F13B: variants seen among roughly 807,000 people sequenced by gnomAD.
F13B encodes TGase.
Under a neutral mutation model 79.8 loss-of-function variants are expected in F13B, and 58 were observed. The observed-to-expected ratio is 0.73, with a 90% CI of 0.59 to 0.90. The LOEUF (loss-of-function observed/expected upper bound fraction) is 0.90. F13B is among the 40% of genes least tolerant of loss of function. F13B has a pLI of 0.00. For missense variants in F13B, 773 were observed against 777.0 expected (o/e 0.99, Z 0.06); for synonymous variants, 283 against 260.3 (o/e 1.09, Z -0.84).
rs776906696 is a variant in F13B at position 197,055,704 on chromosome 1, C to A, written c.1354+11G>T. On this transcript the variant is annotated intron_variant, in intron 8 of 11. Coordinates refer to ENST00000367412, the MANE Select transcript of F13B (RefSeq NM_001994.3). ...TACAAACGTAGACATTCCATGTGTT[C>A]TCTTTCTTACCCAAGCAAACAGGTG... is the stretch of plus-strand genomic sequence containing the variant. 2.1e-5 allele frequency: 34 copies of A among 1,612,732 alleles called. No individual in the cohort carries two copies. Among genetic ancestry groups the A allele is most frequent in the Non-Finnish European group, 2.5e-5 (29 of 1,179,130 alleles).
At chr1:197,051,997 T>C (rs1002670210) in intron 9 of F13B, among the ~76,000 whole-genome samples, 3 of 152,198 alleles carry the variant, frequency 2.0e-5, no homozygotes, top group African/African-American at 7.2e-5. Context: ...GATGATAGTT[T>C]CTTTTGCTGT....
intron 10 of F13B, among the ~76,000 whole-genome samples, chr1:197,044,118 T>C (rs1044884585): frequency 6.6e-6 from 1 of 151,756 alleles, no homozygotes; most frequent in Non-Finnish European, 1.5e-5. Context: ...TCTGATTTGT[T>C]TCTAAGGAAC....
chr1:197,050,794 A>G lies in F13B; in HGVS notation c.1641T>C (p.Ser547=). The change falls in exon 10 of 12, where the codon TCT becomes TCC. Residue 547 remains serine (S), a synonymous_variant. Transcript: ENST00000367412. The part of the protein sequence containing the change: ...SSTVDTYENG[S]SVEYRCFDHH... ...GATCAAAACATCTGTATTCTACTGA[A>G]GAGCCATTTTCATAGGTGTCTACTG... 6.2e-7 allele frequency: 1 copy of G among 1,613,426 alleles called. No homozygotes were observed. Among genetic ancestry groups the G allele is most frequent in the Non-Finnish European group, 8.5e-7 (1 of 1,179,612 alleles).
intron 5 of F13B, 31 bp downstream of exon 5, chr1:197,060,335 C>T (rs1455614540): frequency 6.4e-7 from 1 of 1,553,350 alleles, no homozygotes; most frequent in East Asian, 2.3e-5. Context: ...AAAGACATGG[C>T]ATTTTGCGAG....
At chr1:197,065,733 T>C (rs1162950602) in intron 1 of F13B, among the ~76,000 whole-genome samples, 1 of 152,148 alleles carries the variant, frequency 6.6e-6, no homozygotes, top group Non-Finnish European at 1.5e-5. Context: ...CAATATTCAT[T>C]CCAGAGCTAT....
chr1:197,046,410 C>A (rs1229038912), intron 10 of F13B, among the ~76,000 whole-genome samples: 1 of 152,138 alleles, frequency 6.6e-6, no homozygotes, highest in Non-Finnish European at 1.5e-5. Context: ...AACCCCCATT[C>A]ACAATTACTT....
intron 11 of F13B, 161 bp downstream of exon 11, chr1:197,040,361 T>A: frequency 1.7e-6 from 1 of 600,894 alleles, no homozygotes; most frequent in Non-Finnish European, 2.9e-6. Flanking sequence ...TGATTACCAC[T>A]TCCAGTTGTT....
At chr1:197,059,090 C>T (rs749971128) in intron 5 of F13B, among the ~76,000 whole-genome samples, 1 of 152,004 alleles carries the variant, frequency 6.6e-6, no homozygotes, top group South Asian at 2.1e-4. Flanking sequence ...GTGGCCGACA[C>T]CTGTAGTCCC....
chr1:197,047,843 A>G (rs1166792095), intron 10 of F13B, among the ~76,000 whole-genome samples: 1 of 152,168 alleles, frequency 6.6e-6, no homozygotes, highest in Non-Finnish European at 1.5e-5. Flanking sequence ...CTTTGCAGGG[A>G]CATGGATGAA....
intron 11 of F13B, among the ~76,000 whole-genome samples, chr1:197,039,971 A>G (rs1654978210): frequency 6.6e-6 from 1 of 152,090 alleles, no homozygotes; most frequent in Non-Finnish European, 1.5e-5. Flanking sequence ...ATCCTACAAA[A>G]TGGTTTACAT....
chr1:197,060,310 G>T (rs1444143558), intron 5 of F13B, 56 bp downstream of exon 5: 1 of 1,354,256 alleles, frequency 7.4e-7, no homozygotes, highest in East Asian at 2.3e-5. Context: ...AGAGCTAATA[G>T]AGATTAAAGC....
At position 197,050,833 on chromosome 1, in the gene F13B, G is replaced by A. The variant is rs1163870272; in HGVS notation, c.1602C>T (p.Val534=). ...AGGTGTCTACTGTTGAACTAATAAT[G>A]ACTCCATGTTTAATAAGAGGAGGAG... The part of the protein sequence containing the change: ...CTSPPLIKHG[V]IISSTVDTYE... Residue 534 remains valine (V), a synonymous_variant, in exon 10 of 12, where the codon GTC becomes GTT. Coordinates refer to ENST00000367412, the MANE Select transcript of F13B (RefSeq NM_001994.3). 3 of 1,613,126 alleles carry A rather than the reference G, an allele frequency of 1.9e-6. No individual in the cohort carries two copies. Among genetic ancestry groups the A allele is most frequent in the Non-Finnish European group, 2.5e-6 (3 of 1,179,556 alleles).
chr1:197,044,616 A>G (rs1462824959), intron 10 of F13B, among the ~76,000 whole-genome samples: 2 of 152,124 alleles, frequency 1.3e-5, no homozygotes, highest in Non-Finnish European at 2.9e-5. Context: ...GAAGGTAAAT[A>G]AGAATATCCA....
intron 8 of F13B, 93 bp from the exon 9 acceptor site, chr1:197,052,927 G>T: frequency 2.2e-6 from 2 of 926,124 alleles, no homozygotes; most frequent in Non-Finnish European, 3.4e-6. Context: ...AGTTTCAAAA[G>T]CAATATTTTA....
At chr1:197,041,548 T>A (rs1210237590) in intron 10 of F13B, among the ~76,000 whole-genome samples, 1 of 152,180 alleles carries the variant, frequency 6.6e-6, no homozygotes, top group Non-Finnish European at 1.5e-5. Flanking sequence ...GGTCCAGAGT[T>A]GCTAATATGG....
chr1:197,062,048 A>G (rs1359742081), intron 2 of F13B, 79 bp from the exon 3 acceptor site: 3 of 1,249,478 alleles, frequency 2.4e-6, no homozygotes, highest in Admixed American at 3.9e-5. Flanking sequence ...AGCCAAAAGT[A>G]TAATGTTATT....
At chr1:197,063,769 C>CT (rs950421386) in intron 1 of F13B, among the ~76,000 whole-genome samples, 5 of 151,390 alleles carry the variant, frequency 3.3e-5, no homozygotes, top group African/African-American at 7.3e-5. Flanking sequence ...ATTTTACATT[C>CT]TTTTTTTTTC....
chr1:197,058,730 G>A (rs1335033329), intron 5 of F13B, among the ~76,000 whole-genome samples: 1 of 152,048 alleles, frequency 6.6e-6, no homozygotes, highest in Non-Finnish European at 1.5e-5. Flanking sequence ...CTTGTACCGT[G>A]TAAGGTAACG....
In F13B at chr1:197,060,528, A is replaced by G. The variant is rs765872999; in HGVS notation, c.643T>C (p.Ser215Pro). The change falls in exon 5 of 12, where the codon TCT (serine) becomes CCT (proline). Residue 215 changes from serine to proline, a missense_variant. Physicochemically the swap from Ser to Pro is moderately conservative, Grantham distance 74. Coordinates refer to ENST00000367412, the MANE Select transcript of F13B (RefSeq NM_001994.3). The part of the protein sequence containing the change: ...TPKCTKLKCS[S>P]LRLIENGYFH... Reference sequence around the variant, plus strand: ...TAACCATTTTCAATTAATCTTAAAGAAGAGCACTTTAATTCTGCAAATAAA... The same window carrying G: ...TAACCATTTTCAATTAATCTTAAAGGAGAGCACTTTAATTCTGCAAATAAA... 3 of 1,587,246 alleles carry G rather than the reference A, an allele frequency of 1.9e-6. No homozygotes were observed. The highest frequency in any genetic ancestry group is 1.7e-6 in the Non-Finnish European group (2 of 1,161,852).
Sources: allele counts gnomAD v4.1 joint callset (sites outside exome capture counted in the v4.1 genomes callset), GRCh38; gene constraint gnomAD v4.1.1; transcripts MANE v1.5; gene names NCBI Gene and HGNC (gene_info 2026-07-23, HGNC 2026-07-21).